The following NTN1 variants were observed in gnomAD, a reference collection of about 807,000 sequenced individuals.
NTN1 encodes the protein netrin 1, also known as netrin-1.
A neutral mutation model predicts 54.2 loss-of-function variants in NTN1; 11 were observed. The ratio of observed to expected loss-of-function variants is 0.20; its 90% CI spans 0.13 to 0.34. The LOEUF is 0.34. Ranked by LOEUF, NTN1 falls within the 10% of genes least tolerant of loss-of-function variation. The pLI is 1.00. For missense variants in NTN1, 740 were observed against 893.1 expected (o/e 0.83, Z 2.18); for synonymous variants, 371 against 382.0 (o/e 0.97, Z 0.33).
chr17:9,214,014 T>C (rs1214652027), intron 5 of NTN1, among the ~76,000 whole-genome samples: 1 of 152,180 alleles, frequency 6.6e-6, no homozygotes, highest in African/African-American at 2.4e-5. Context: ...TGTCTTTTTT[T>C]TTTCTTTTAG....
chr17:9,204,975 A>G (rs1213329812), intron 5 of NTN1, among the ~76,000 whole-genome samples: 34 of 151,552 alleles, frequency 2.2e-4, no homozygotes, highest in Admixed American at 2.2e-3. Flanking sequence ...AGGCCTTTCA[A>G]AATAGGAACT....
At chr17:9,167,917 C>T (rs1054347517) in intron 3 of NTN1, among the ~76,000 whole-genome samples, 1 of 152,172 alleles carries the variant, frequency 6.6e-6, no homozygotes, top group African/African-American at 2.4e-5. Context: ...CACATTGGAA[C>T]CACTTGGGGA....
intron 2 of NTN1, among the ~76,000 whole-genome samples, chr17:9,132,835 T>C (rs1417764464): frequency 2.0e-5 from 3 of 151,834 alleles, no homozygotes; most frequent in Non-Finnish European, 4.4e-5. Context: ...GATTGCACCA[T>C]TGCACTCTAG....
At chr17:9,127,915 G>A (rs1467637337) in intron 2 of NTN1, among the ~76,000 whole-genome samples, 9 of 151,832 alleles carry the variant, frequency 5.9e-5, no homozygotes, top group African/African-American at 1.9e-4. Flanking sequence ...TCGGGAGTTC[G>A]AGACCAGCCT....
the NTN1 span, among the ~76,000 whole-genome samples, chr17:9,006,262 G>A: frequency 6.6e-6 from 1 of 152,246 alleles, no homozygotes; most frequent in East Asian, 1.9e-4. Context: ...CTTCTCTGGA[G>A]TAATTCATAG....
intron 2 of NTN1, among the ~76,000 whole-genome samples, chr17:9,072,093 G>A (rs2092033811): frequency 6.6e-6 from 1 of 152,200 alleles, no homozygotes; most frequent in Admixed American, 6.5e-5. Flanking sequence ...GCACAGCTGA[G>A]GTCTGGCAAG....
At chr17:9,183,880 T>C (rs1157347339) in intron 5 of NTN1, among the ~76,000 whole-genome samples, 3 of 152,194 alleles carry the variant, frequency 2.0e-5, no homozygotes, top group African/African-American at 7.2e-5. Context: ...CCAGATGCCC[T>C]GCTGAGAGCA....
chr17:9,061,727 G>A (rs902498283), intron 2 of NTN1, among the ~76,000 whole-genome samples: 7 of 151,708 alleles, frequency 4.6e-5, no homozygotes, highest in East Asian at 3.9e-4. Flanking sequence ...TTTTTGAGAC[G>A]GATTCTCGCT....
At chr17:9,210,196 A>G (rs1905063104) in intron 5 of NTN1, among the ~76,000 whole-genome samples, 2 of 152,016 alleles carry the variant, frequency 1.3e-5, no homozygotes. Flanking sequence ...GTCCTGCCTC[A>G]GGGCCTTTGC....
intron 5 of NTN1, among the ~76,000 whole-genome samples, chr17:9,191,663 G>A (rs998251681): frequency 2.0e-5 from 3 of 152,106 alleles, no homozygotes; most frequent in Non-Finnish European, 2.9e-5. Context: ...TAGAGAATTT[G>A]TACAAATGGC....
chr17:9,190,681 A>T (rs1264567951), intron 5 of NTN1, among the ~76,000 whole-genome samples: 1 of 152,040 alleles, frequency 6.6e-6, no homozygotes, highest in African/African-American at 2.4e-5. Flanking sequence ...GTGAAACCCC[A>T]TCTCTACTAA....
At chr17:9,090,973 C>T (rs780609388) in intron 2 of NTN1, among the ~76,000 whole-genome samples, 1 of 152,024 alleles carries the variant, frequency 6.6e-6, no homozygotes, top group Non-Finnish European at 1.5e-5. Context: ...CGTGTGAAGC[C>T]GACCAAAGGG....
chr17:9,068,543 TCG>T (rs1344493349), intron 2 of NTN1, among the ~76,000 whole-genome samples: 1 of 151,034 alleles, frequency 6.6e-6, no homozygotes, highest in Non-Finnish European at 1.5e-5. Flanking sequence ...GGAGTTTCTC[TCG>T]TTGCCCAGGC....
chr17:9,157,075 A>G (rs2092345079), intron 2 of NTN1, among the ~76,000 whole-genome samples: 1 of 151,374 alleles, frequency 6.6e-6, no homozygotes, highest in African/African-American at 2.4e-5. Context: ...CCATCCATCT[A>G]TCTTCTCTCT....
intron 2 of NTN1, among the ~76,000 whole-genome samples, chr17:9,060,188 CT>C: frequency 6.6e-6 from 1 of 152,280 alleles, no homozygotes; most frequent in Non-Finnish European, 1.5e-5. Context: ...AGACCCACCC[CT>C]CCTCTCCTCC....
chr17:9,008,178 G>C, the NTN1 span, among the ~76,000 whole-genome samples: 1 of 151,816 alleles, frequency 6.6e-6, no homozygotes, highest in South Asian at 2.1e-4. Flanking sequence ...TAACACTAAA[G>C]CCCAGTGTCT....
chr17:9,141,356 G>A (rs933716190), intron 2 of NTN1, among the ~76,000 whole-genome samples: 1 of 152,126 alleles, frequency 6.6e-6, no homozygotes, highest in Non-Finnish European at 1.5e-5. Context: ...CCAGGCATAT[G>A]TGCTGCCAGG....
chr17:9,057,732 C>T (rs2091983769), intron 2 of NTN1, among the ~76,000 whole-genome samples: 3 of 152,168 alleles, frequency 2.0e-5, no homozygotes, highest in South Asian at 2.1e-4. Flanking sequence ...CACGTAAGGA[C>T]GTTTTCCAGA....
chr17:9,163,477 AACACACACACACACACACACACACACAC>A (rs55765967), intron 3 of NTN1, among the ~76,000 whole-genome samples: 65 of 142,750 alleles, frequency 4.6e-4, no homozygotes, highest in Non-Finnish European at 7.9e-4. Context: ...TCCCCCCCGA[AACACACACACACACACACACACACACAC>A]ACACACACAC....
Sources: allele counts gnomAD v4.1 joint callset (sites outside exome capture counted in the v4.1 genomes callset), GRCh38; gene constraint gnomAD v4.1.1; transcripts MANE v1.5; gene names NCBI Gene and HGNC (gene_info 2026-07-23, HGNC 2026-07-21).